Variants in MTHFD1L observed in about 807,000 individuals in gnomAD.
MTHFD1L encodes the protein methylenetetrahydrofolate dehydrogenase (NADP+ dependent) 1 like.
A neutral mutation model predicts 119.5 loss-of-function variants in MTHFD1L; 81 were observed. The observed-to-expected ratio is 0.68, with a 90% CI of 0.57 to 0.82. The LOEUF (loss-of-function observed/expected upper bound fraction) is 0.82. MTHFD1L is among the 40% of genes least tolerant of loss of function. The pLI is 0.00. For synonymous variants in MTHFD1L, 430 were observed against 475.2 expected (o/e 0.90, Z 1.24); for missense variants, 1,125 against 1,253.4 (o/e 0.90, Z 1.55).
intron 20 of MTHFD1L, among the ~76,000 whole-genome samples, chr6:151,008,446 TG>T (rs2128478619): frequency 6.6e-6 from 1 of 152,314 alleles, no homozygotes; most frequent in East Asian, 1.9e-4. Context: ...TCATCTCACC[TG>T]GGGATCTTGT....
At chr6:150,983,353 T>C (rs1342363477) in intron 20 of MTHFD1L, among the ~76,000 whole-genome samples, 1 of 152,212 alleles carries the variant, frequency 6.6e-6, no homozygotes, top group African/African-American at 2.4e-5. Flanking sequence ...AGGCCTTTAA[T>C]CATCTTAGAA....
chr6:151,100,545 T>A (rs1795286305), intron 27 of MTHFD1L, among the ~76,000 whole-genome samples: 2 of 152,124 alleles, frequency 1.3e-5, no homozygotes, highest in Non-Finnish European at 2.9e-5. Flanking sequence ...AAAAGATAAG[T>A]CCTTCCATGT....
At chr6:151,058,632 G>A (rs1451171596) in intron 26 of MTHFD1L, among the ~76,000 whole-genome samples, 6 of 152,216 alleles carry the variant, frequency 3.9e-5, no homozygotes, top group African/African-American at 1.4e-4. Flanking sequence ...GGACAGCCAT[G>A]GCTCAGGAGG....
chr6:150,866,180 G>C, intron 1 of MTHFD1L, 131 bp downstream of exon 1: 2 of 1,363,086 alleles, frequency 1.5e-6, no homozygotes, highest in Non-Finnish European at 1.9e-6. Flanking sequence ...CATTAGGGGG[G>C]CCGGGCGGTG....
At chr6:151,028,187 C>T (rs1028899388) in intron 24 of MTHFD1L, among the ~76,000 whole-genome samples, 3 of 152,204 alleles carry the variant, frequency 2.0e-5, no homozygotes, top group African/African-American at 4.8e-5. Context: ...TGGGTGGTCG[C>T]GCTTGTCCTA....
intron 25 of MTHFD1L, among the ~76,000 whole-genome samples, 155 bp downstream of exon 25, chr6:151,034,755 G>T (rs1487122916): frequency 6.6e-6 from 1 of 152,212 alleles, no homozygotes; most frequent in East Asian, 1.9e-4. Flanking sequence ...CGGGTAGAGT[G>T]TAGACTATAT....
chr6:151,004,872 T>C (rs1435863847), intron 20 of MTHFD1L, among the ~76,000 whole-genome samples: 3 of 152,254 alleles, frequency 2.0e-5, no homozygotes, highest in Non-Finnish European at 2.9e-5. Context: ...CAAATAATTC[T>C]TATGGCTTGT....
At chr6:151,049,743 A>T (rs549195506) in intron 26 of MTHFD1L, among the ~76,000 whole-genome samples, 2 of 152,010 alleles carry the variant, frequency 1.3e-5, no homozygotes, top group Non-Finnish European at 2.9e-5. Context: ...CAGAACTGAG[A>T]GAAACACTTA....
intron 18 of MTHFD1L, among the ~76,000 whole-genome samples, chr6:150,962,998 C>T (rs1042937591): frequency 6.6e-6 from 1 of 150,854 alleles, no homozygotes; most frequent in Admixed American, 6.6e-5. Flanking sequence ...TCACTGCAAC[C>T]TCCAACTCCC....
intron 20 of MTHFD1L, among the ~76,000 whole-genome samples, chr6:151,003,446 C>T (rs892627433): frequency 5.3e-5 from 8 of 152,028 alleles, no homozygotes; most frequent in African/African-American, 1.5e-4. Flanking sequence ...GCAGGAGAAT[C>T]GCTCGAACCT....
intron 20 of MTHFD1L, among the ~76,000 whole-genome samples, chr6:150,981,872 G>T (rs74796945): frequency 0.085 from 12,886 of 152,176 alleles, 1,823 homozygotes; most frequent in African/African-American, 0.29. Context: ...GATTGCTTGA[G>T]CCCAGGGGTT....
At chr6:150,870,964 A>T (rs1026709823) in intron 1 of MTHFD1L, among the ~76,000 whole-genome samples, 1 of 117,570 alleles carries the variant, frequency 8.5e-6, no homozygotes, top group Non-Finnish European at 2.0e-5. Context: ...TATATATATT[A>T]TATATATAAA....
chr6:150,913,581 C>T (rs1410429249), intron 8 of MTHFD1L, among the ~76,000 whole-genome samples: 1 of 152,168 alleles, frequency 6.6e-6, no homozygotes, highest in Non-Finnish European at 1.5e-5. Context: ...GCTGGGATTA[C>T]AGGTGTGAGC....
intron 26 of MTHFD1L, among the ~76,000 whole-genome samples, chr6:151,052,049 A>C (rs922270928): frequency 2.6e-5 from 4 of 152,178 alleles, no homozygotes; most frequent in Non-Finnish European, 5.9e-5. Context: ...CGGAACTGAC[A>C]AGGGATGGGA....
chr6:150,926,678 A>G lies in MTHFD1L; in HGVS notation c.1256+383A>G, dbSNP rs527960108. Among the ~76,000 whole-genome samples, 1 of 152,362 alleles carries G rather than the reference A, an allele frequency of 6.6e-6. No individual in the cohort carries two copies. Among genetic ancestry groups the G allele is most frequent in the African/African-American group, 2.4e-5 (1 of 41,594 alleles). On this transcript the variant is annotated intron_variant, in intron 11 of 27. Transcript: ENST00000367321. The surrounding 1 kb of genome is among the most constrained non-coding windows in gnomAD (Gnocchi z 4.3). ...TCTACTTGAAATATTTTCGTGGAAA[A>G]GGTACAGATAATCATATGAAACATG...
At chr6:150,886,412 G>A (rs1293131867) in intron 6 of MTHFD1L, among the ~76,000 whole-genome samples, 12 of 145,326 alleles carry the variant, frequency 8.3e-5, no homozygotes, top group Admixed American at 6.9e-4. Context: ...CTCTAGCCTG[G>A]GCAATATAGC....
At chr6:150,971,770 C>T (rs1269182326) in intron 19 of MTHFD1L, among the ~76,000 whole-genome samples, 177 bp from the exon 20 acceptor site, 2 of 152,054 alleles carry the variant, frequency 1.3e-5, no homozygotes, top group African/African-American at 4.8e-5. Context: ...TTCTAGAATC[C>T]GGAGGGAATT....
intron 16 of MTHFD1L, among the ~76,000 whole-genome samples, chr6:150,952,314 C>T (rs576965621): frequency 6.6e-6 from 1 of 152,306 alleles, no homozygotes; most frequent in South Asian, 2.1e-4. Context: ...GACTCTTCAT[C>T]AAAAGAATTG....
At chr6:150,898,641 G>C (rs1182194930) in intron 7 of MTHFD1L, among the ~76,000 whole-genome samples, 1 of 152,110 alleles carries the variant, frequency 6.6e-6, no homozygotes, top group Non-Finnish European at 1.5e-5. Context: ...GACTTGCCTG[G>C]TGTTGCCCTG....
Sources: allele counts gnomAD v4.1 joint callset (sites outside exome capture counted in the v4.1 genomes callset), GRCh38; gene constraint gnomAD v4.1.1; non-coding constraint Gnocchi (gnomAD v3.1); transcripts MANE v1.5; gene names NCBI Gene and HGNC (gene_info 2026-07-23, HGNC 2026-07-21).